AOPEP: variants seen among roughly 807,000 people sequenced by gnomAD.
AOPEP encodes aminopeptidase O (putative).
A neutral mutation model predicts 98.1 loss-of-function variants in AOPEP; 77 were observed. The ratio of observed to expected loss-of-function variants is 0.78; its 90% CI spans 0.65 to 0.95. The LOEUF is 0.95. Ranked by LOEUF, AOPEP falls within the 40% of genes least tolerant of loss-of-function variation. The pLI, the probability that AOPEP is intolerant of heterozygous loss-of-function variation, is 0.00. For synonymous variants in AOPEP, 346 were observed against 365.3 expected (o/e 0.95, Z 0.60); for missense variants, 1,024 against 1,024.7 (o/e 1.00, Z 0.01).
chr9:95,111,386 A>G, the AOPEP span: 1 of 1,597,404 alleles, frequency 6.3e-7, no homozygotes, highest in Admixed American at 1.7e-5. Context: ...CAAGCCCACA[A>G]CAGAGCCCCT....
At chr9:94,948,195 G>T (rs1484602402) in intron 7 of AOPEP, among the ~76,000 whole-genome samples, 4 of 152,074 alleles carry the variant, frequency 2.6e-5, no homozygotes, top group Non-Finnish European at 5.9e-5. Context: ...AATCTGTTAA[G>T]CCAGTAAATC....
chr9:95,060,858 T>C (rs755645328), intron 14 of AOPEP, 48 bp downstream of exon 14: 1 of 1,189,020 alleles, frequency 8.4e-7, no homozygotes, highest in Non-Finnish European at 1.3e-6. Flanking sequence ...CCCACTGTTG[T>C]TGAAGAATGG....
rs147157750 is a variant in AOPEP at position 94,837,608 on chromosome 9, C to T, written c.1364+36606C>T. ...AGTAATGCAAGGATGGTTTAACATA[C>T]GCAAGTCAATAAATGTGATACACTA... On this transcript the variant is annotated intron_variant, in intron 5 of 16. Transcript: ENST00000375315. 5.4e-3 allele frequency among the ~76,000 whole-genome samples: 821 copies of T among 152,230 alleles called. 12 individuals carry two copies. The highest frequency in any genetic ancestry group is 0.044 in the South Asian group (211 of 4,826).
At chr9:94,894,700 A>G (rs756916002) in intron 5 of AOPEP, among the ~76,000 whole-genome samples, 170 of 152,342 alleles carry the variant, frequency 1.1e-3, no homozygotes, top group Non-Finnish European at 2.1e-3. Flanking sequence ...TATGTTTATG[A>G]CCAGCAAAAT....
chr9:94,832,518 C>T (rs1856212992), intron 5 of AOPEP, among the ~76,000 whole-genome samples: 1 of 152,102 alleles, frequency 6.6e-6, no homozygotes, highest in South Asian at 2.1e-4. Context: ...GACTCCAAAT[C>T]TTATGAATTT....
chr9:95,023,257 T>C (rs760053863), intron 13 of AOPEP, among the ~76,000 whole-genome samples: 1 of 152,196 alleles, frequency 6.6e-6, no homozygotes, highest in Non-Finnish European at 1.5e-5. Flanking sequence ...TCCTGAGAGC[T>C]GATAGGAGAG....
intron 10 of AOPEP, 75 bp downstream of exon 10, chr9:94,967,876 T>C (rs1184737886): frequency 1.6e-6 from 2 of 1,218,686 alleles, no homozygotes; most frequent in Non-Finnish European, 2.4e-6. Flanking sequence ...ATTGGTTGGC[T>C]TGTCACAGCC....
chr9:94,783,051 C>T (rs1452621031), intron 3 of AOPEP, among the ~76,000 whole-genome samples: 1 of 152,148 alleles, frequency 6.6e-6, no homozygotes, highest in African/African-American at 2.4e-5. Flanking sequence ...CCTGTGACCA[C>T]CTGGAGCAGT....
chr9:94,877,904 A>G (rs2047147255), intron 5 of AOPEP, among the ~76,000 whole-genome samples: 1 of 152,198 alleles, frequency 6.6e-6, no homozygotes, highest in Non-Finnish European at 1.5e-5. Context: ...TGCTGTTTCT[A>G]GCGAGTGCAG....
At chr9:94,969,179 C>A (rs1464434639) in intron 10 of AOPEP, among the ~76,000 whole-genome samples, 18 of 151,928 alleles carry the variant, frequency 1.2e-4, no homozygotes, top group South Asian at 2.1e-4. Flanking sequence ...GGAATTAGGC[C>A]CATCTGGATC....
chr9:94,827,138 G>T (rs1034889543), intron 5 of AOPEP, among the ~76,000 whole-genome samples: 1 of 152,098 alleles, frequency 6.6e-6, no homozygotes, highest in Admixed American at 6.5e-5. Flanking sequence ...GTGGCTTCTC[G>T]TTTAGGAGCA....
At chr9:94,795,668 C>T (rs1243093960) in intron 4 of AOPEP, among the ~76,000 whole-genome samples, 1 of 152,178 alleles carries the variant, frequency 6.6e-6, no homozygotes, top group Non-Finnish European at 1.5e-5. Context: ...GGGCAGCAGC[C>T]ACTGACTCTG....
intron 3 of AOPEP, among the ~76,000 whole-genome samples, chr9:94,774,847 T>C (rs1841727760): frequency 6.6e-6 from 1 of 152,212 alleles, no homozygotes. Context: ...CACCTGGAAC[T>C]TTGCTCATCT....
At chr9:94,782,250 C>T (rs1218648407) in intron 3 of AOPEP, among the ~76,000 whole-genome samples, 1 of 151,662 alleles carries the variant, frequency 6.6e-6, no homozygotes, top group African/African-American at 2.4e-5. Context: ...TTGTGGGAAG[C>T]CTCAAGTAAA....
At chr9:94,752,385 A>C (rs10993336) in intron 1 of AOPEP, among the ~76,000 whole-genome samples, 1,689 of 137,618 alleles carry the variant, frequency 0.012, 15 homozygotes, top group Middle Eastern at 0.04. Flanking sequence ...ACACACACAC[A>C]CCCCACATGC....
intron 13 of AOPEP, among the ~76,000 whole-genome samples, chr9:95,012,612 G>A (rs2132940832): frequency 6.6e-6 from 1 of 152,220 alleles, no homozygotes; most frequent in East Asian, 1.9e-4. Flanking sequence ...TGATGTCTGT[G>A]TGGGCTCAGG....
At chr9:94,943,092 G>A (rs933646601) in intron 7 of AOPEP, among the ~76,000 whole-genome samples, 35 of 152,164 alleles carry the variant, frequency 2.3e-4, no homozygotes, top group African/African-American at 8.4e-4. Context: ...GAAAGCATAA[G>A]CAACTGAAGG....
At chr9:94,858,350 T>C (rs572540820) in intron 5 of AOPEP, among the ~76,000 whole-genome samples, 4 of 144,468 alleles carry the variant, frequency 2.8e-5, no homozygotes, top group Non-Finnish European at 6.1e-5. Context: ...TTCCTGTGTC[T>C]GCTGTAACAA....
chr9:95,104,564 C>T, the AOPEP span, among the ~76,000 whole-genome samples: 1 of 152,204 alleles, frequency 6.6e-6, no homozygotes, highest in African/African-American at 2.4e-5. Context: ...TTACTCCCAG[C>T]AATGTCTCTG....
Sources: allele counts gnomAD v4.1 joint callset (sites outside exome capture counted in the v4.1 genomes callset), GRCh38; gene constraint gnomAD v4.1.1; transcripts MANE v1.5; gene names NCBI Gene and HGNC (gene_info 2026-07-23, HGNC 2026-07-21).